TMEM63A: variants seen among roughly 807,000 people sequenced by gnomAD.
TMEM63A encodes the protein transmembrane protein 63A.
A neutral mutation model predicts 100.6 loss-of-function variants in TMEM63A; 76 were observed. That is an observed-to-expected ratio of 0.76 (90% CI 0.63 to 0.91). The LOEUF is 0.91. Ranked by LOEUF, TMEM63A falls within the 40% of genes least tolerant of loss-of-function variation. The probability of loss-of-function intolerance (pLI) is 0.00; values close to 1 mark genes in which losing one functional copy is unlikely to be tolerated. For missense variants in TMEM63A, 876 were observed against 1,008.8 expected (o/e 0.87, Z 1.78); for synonymous variants, 401 against 401.1 (o/e 1.00, Z 0.00).
chr1:225,872,459 C>T (rs1331580134), intron 4 of TMEM63A, among the ~76,000 whole-genome samples: 1 of 152,048 alleles, frequency 6.6e-6, no homozygotes, highest in East Asian at 1.9e-4. Context: ...TTTTATGAAA[C>T]ACTAAAGAAA....
chr1:225,842,416 A>G (rs541520122), downstream of TMEM63A: 29 of 1,614,012 alleles, frequency 1.8e-5, no homozygotes, highest in African/African-American at 4.0e-5. Context: ...TATTCTAGAG[A>G]AGTTTTCCAC....
chr1:225,850,555 G>A (rs1310503161), intron 20 of TMEM63A, among the ~76,000 whole-genome samples: 2 of 152,082 alleles, frequency 1.3e-5, no homozygotes, highest in African/African-American at 4.8e-5. Context: ...TCAGGGGGTC[G>A]GCAATGTTAA....
At chr1:225,859,519 G>A (rs1669826086) in intron 14 of TMEM63A, 170 bp from the exon 15 acceptor site, 3 of 773,842 alleles carry the variant, frequency 3.9e-6, no homozygotes, top group Non-Finnish European at 6.1e-6. Flanking sequence ...AGAGCTCAGA[G>A]GGAACAATTA....
intron 1 of TMEM63A, among the ~76,000 whole-genome samples, chr1:225,882,102 C>G (rs1193475750): frequency 1.3e-5 from 2 of 152,244 alleles, no homozygotes; most frequent in African/African-American, 4.8e-5. Context: ...GCCAGGAATT[C>G]CCAAGGAGCG....
At chr1:225,851,380 A>AT (rs1397362248) in intron 20 of TMEM63A, among the ~76,000 whole-genome samples, 6 of 151,458 alleles carry the variant, frequency 4.0e-5, no homozygotes, top group African/African-American at 1.5e-4. Flanking sequence ...TTTATTTTTT[A>AT]TTTTTTTTGA....
At chr1:225,864,711 G>A (rs1225775323) in intron 10 of TMEM63A, 1 of 152,182 alleles carries the variant, frequency 6.6e-6, no homozygotes, top group Non-Finnish European at 1.5e-5. Context: ...TAAACATTCA[G>A]TTTACGATCC....
At chr1:225,859,649 GTT>G (rs57486744) in intron 14 of TMEM63A, 634 of 266,422 alleles carry the variant, frequency 2.4e-3, no homozygotes, top group Middle Eastern at 4.9e-3. Context: ...TTCTTTTTCT[GTT>G]TTTTTTTTTT....
intron 19 of TMEM63A, 123 bp from the exon 20 acceptor site, chr1:225,852,892 TC>T: frequency 1.3e-6 from 1 of 787,594 alleles, no homozygotes; most frequent in Non-Finnish European, 2.1e-6. Context: ...GATGCGTGGC[TC>T]CCCGCCTCCC....
chr1:225,877,533 G>A lies in TMEM63A; in HGVS notation c.48C>T (p.Ser16=), dbSNP rs202234859. The A allele has an allele frequency of 9.8e-5, 158 of 1,614,056 alleles. No individual in the cohort carries two copies. The highest frequency in any genetic ancestry group is 6.9e-5 in the Non-Finnish European group (81 of 1,180,036). The change falls in exon 3 of 25, where the codon TCC becomes TCT. Residue 16 remains serine (S), a synonymous_variant. Transcript: ENST00000366835. The part of the protein sequence containing the change: ...FLELWQSKAV[S]IREQLGLGDR... ...CCCCGAGTCCCAGCTGCTCCCTGAT[G>A]GACACTGCCTTGGACTGCCACAGCT...
In TMEM63A at chr1:225,862,323, A is replaced by G; in HGVS notation, c.980T>C (p.Met327Thr). Residue 327 changes from methionine (M) to threonine (T), a missense_variant, in exon 13 of 25, where the codon ATG (methionine) becomes ACG (threonine). Transcript: ENST00000366835. The surrounding 1 kb of genome is among the most constrained non-coding windows in gnomAD (Gnocchi z 5.1). Reference protein sequence around the residue: ...WEDAISYYTRMKDRLLERITE... With the variant: ...WEDAISYYTRTKDRLLERITE... ...GATCCTCTCCAGCAGCCTGTCCTTC[A>G]TCCGTGTGTAGTAAGAGATGGCGTC... is the stretch of plus-strand genomic sequence containing the variant. 1 of 1,614,188 alleles carries G rather than the reference A, an allele frequency of 6.2e-7. No individual in the cohort carries two copies. Among genetic ancestry groups the G allele is most frequent in the Non-Finnish European group, 8.5e-7 (1 of 1,180,024 alleles).
chr1:225,875,636 G>A (rs1222677599), intron 3 of TMEM63A, among the ~76,000 whole-genome samples: 1 of 152,154 alleles, frequency 6.6e-6, no homozygotes, highest in African/African-American at 2.4e-5. Flanking sequence ...CTCAGCAGGT[G>A]CCTGCCCTCT....
chr1:225,880,263 C>G (rs1172973563), intron 1 of TMEM63A, among the ~76,000 whole-genome samples: 2 of 152,184 alleles, frequency 1.3e-5, no homozygotes, highest in African/African-American at 2.4e-5. Flanking sequence ...CCTTTCAGCT[C>G]AGTCCCAGCC....
intron 6 of TMEM63A, among the ~76,000 whole-genome samples, chr1:225,869,621 C>T (rs896359989): frequency 2.6e-5 from 4 of 151,668 alleles, no homozygotes; most frequent in Non-Finnish European, 5.9e-5. Flanking sequence ...ATAACCACCA[C>T]ATTTCATCAA....
chr1:225,843,536 C>A (rs533516209), downstream of TMEM63A, among the ~76,000 whole-genome samples: 17 of 152,166 alleles, frequency 1.1e-4, no homozygotes, highest in Non-Finnish European at 2.1e-4. Context: ...TGCAAGACCA[C>A]CTTGGCAGGG....
At position 225,845,886 on chromosome 1, in the gene TMEM63A, C is replaced by CA. The variant is rs957985824; in HGVS notation, c.*1052_*1053insT. 5 of 191,356 alleles carry CA rather than the reference C, an allele frequency of 2.6e-5. No homozygotes were observed. Among genetic ancestry groups the CA allele is most frequent in the Admixed American group, 1.1e-4 (2 of 18,790 alleles). 11.9% of individuals were successfully genotyped at this position (191,356 alleles called of 1,614,324 possible). A position where few individuals can be genotyped will look rare whatever the true frequency, so the allele number is the denominator to read the frequency against. On this transcript the variant is annotated 3_prime_UTR_variant, in exon 25 of 25. Transcript: ENST00000366835. ...GGCAGGGCCTACAGAGGTGCCAAGG[C>CA]CCCAGGCCAGTTGTGCTAGGAGCCT...
intron 15 of TMEM63A, among the ~76,000 whole-genome samples, chr1:225,857,309 G>A (rs145102441): frequency 6.8e-6 from 1 of 147,476 alleles, no homozygotes; most frequent in African/African-American, 2.5e-5. Context: ...AACCTTCTCT[G>A]CTCCCTATAC....
At chr1:225,844,996 G>A (rs1215076615), downstream of TMEM63A, 6 of 867,338 alleles carry the variant, frequency 6.9e-6, no homozygotes, top group Non-Finnish European at 1.1e-5. Flanking sequence ...TGAGGGGAGA[G>A]CGGTTGAGAC....
rs374925871 is a variant in TMEM63A, at chr1:225,874,250, G to A, written c.266+38C>T. The A allele has an allele frequency of 1.8e-5, 29 of 1,588,412 alleles. No individual in the cohort carries two copies. In the East Asian group the frequency reaches 2.0e-4, roughly 11 times the overall value. On this transcript the variant is annotated intron_variant, in intron 4 of 24. Transcript: ENST00000366835. The stretch of plus-strand genomic sequence containing the variant: ...CGCACATATACACACTCACACGTAC[G>A]CACACGCATGCTCACAGCCTAGGCG...
chr1:225,862,146 A>G lies in TMEM63A; in HGVS notation c.1085+72T>C. The G allele has an allele frequency of 5.0e-6, 8 of 1,590,246 alleles. No individual in the cohort carries two copies. The highest frequency in any genetic ancestry group is 6.9e-6 in the Non-Finnish European group (8 of 1,165,892). On this transcript the variant is annotated intron_variant, in intron 13 of 24. Coordinates refer to ENST00000366835, the MANE Select transcript of TMEM63A (RefSeq NM_014698.3). This position sits in a 1 kb window ranked among gnomAD's most constrained non-coding sequence, Gnocchi z 5.1. The stretch of plus-strand genomic sequence containing the variant: ...GGGTCAGCAGTACCATCTCCACTCG[A>G]GAGGGACAGTGAGTTATCTGGAGGG...
Sources: gnomAD v4.1 joint callset for allele counts (sites outside exome capture counted in the v4.1 genomes callset) on GRCh38, gnomAD v4.1.1 for gene constraint, Gnocchi (gnomAD v3.1) non-coding constraint, MANE v1.5 for transcripts, NCBI Gene and HGNC (gene_info 2026-07-23, HGNC 2026-07-21) for gene names.